Variants in ADGRL3 observed in about 807,000 individuals in gnomAD.
ADGRL3 encodes the protein calcium-independent alpha-latrotoxin receptor 3.
Under a neutral mutation model 153.5 loss-of-function variants are expected in ADGRL3, and 62 were observed. The observed-to-expected ratio is 0.40, with a 90% CI of 0.33 to 0.50. ADGRL3 has a LOEUF of 0.50. Ranked by LOEUF, ADGRL3 falls within the 20% of genes least tolerant of loss-of-function variation. The pLI, the probability that ADGRL3 is intolerant of heterozygous loss-of-function variation, is 0.47. For missense variants in ADGRL3, 1,641 were observed against 1,859.4 expected, an observed-to-expected ratio of 0.88 and a Z score of 2.16; for synonymous variants, 710 against 672.5, an observed-to-expected ratio of 1.06 and a Z score of -0.86.
At chr4:61,533,971 T>A (rs1321056793) in intron 4 of ADGRL3, among the ~76,000 whole-genome samples, 1 of 152,114 alleles carries the variant, frequency 6.6e-6, no homozygotes, top group East Asian at 1.9e-4. Context: ...GGTGACACAA[T>A]TTTGATTTTG....
chr4:61,713,929 G>GATTCA lies in ADGRL3; in HGVS notation c.584-16692_584-16688dup. On this transcript the variant is annotated intron_variant, in intron 6 of 26. Transcript: ENST00000683033. ...GTATCTAAGCTGTTTGTGAACTCAG[G>GATTCA]ATTCATGGTCTAGGTGATTTATCTT... Among the ~76,000 whole-genome samples, 5 of 152,184 alleles carry GATTCA rather than the reference G, an allele frequency of 3.3e-5. 2 individuals are homozygous for GATTCA. Among genetic ancestry groups the GATTCA allele is most frequent in the Admixed American group, 3.3e-4 (5 of 15,274 alleles).
intron 5 of ADGRL3, among the ~76,000 whole-genome samples, chr4:61,651,750 G>A (rs2094260883): frequency 6.6e-6 from 1 of 151,072 alleles, no homozygotes; most frequent in Admixed American, 6.6e-5. Flanking sequence ...TGGGACTACA[G>A]GCTCATGCCA....
At chr4:61,413,723 C>G (rs1458449707) in intron 2 of ADGRL3, among the ~76,000 whole-genome samples, 1 of 151,998 alleles carries the variant, frequency 6.6e-6, no homozygotes, top group Admixed American at 6.5e-5. Context: ...GATTTTTCTG[C>G]TCCAAATCTG....
At chr4:61,229,840 G>A (rs1400345070) in intron 1 of ADGRL3, among the ~76,000 whole-genome samples, 1 of 151,946 alleles carries the variant, frequency 6.6e-6, no homozygotes, top group African/African-American at 2.4e-5. Flanking sequence ...CCTGGAACTT[G>A]AAGCTGCAGT....
At chr4:61,688,865 T>C (rs1022677625) in intron 6 of ADGRL3, among the ~76,000 whole-genome samples, 2 of 152,206 alleles carry the variant, frequency 1.3e-5, no homozygotes, top group Non-Finnish European at 2.9e-5. Flanking sequence ...TGTCATACGA[T>C]TTAGCTCTTA....
At chr4:61,724,322 C>G (rs1340524910) in intron 6 of ADGRL3, among the ~76,000 whole-genome samples, 1 of 152,124 alleles carries the variant, frequency 6.6e-6, no homozygotes, top group Non-Finnish European at 1.5e-5. Flanking sequence ...ACTAAGAGAG[C>G]TGCATTTTCT....
chr4:61,593,055 T>A (rs2149422546), intron 5 of ADGRL3, among the ~76,000 whole-genome samples: 1 of 152,320 alleles, frequency 6.6e-6, no homozygotes. Context: ...CACTATCTTA[T>A]AACCCACTAT....
intron 9 of ADGRL3, among the ~76,000 whole-genome samples, chr4:61,827,861 A>C (rs867919308): frequency 1.3e-5 from 2 of 151,866 alleles, no homozygotes; most frequent in African/African-American, 4.8e-5. Context: ...ATGTAGCGTG[A>C]AACATGACTG....
intron 21 of ADGRL3, among the ~76,000 whole-genome samples, chr4:62,008,871 A>C (rs2099170809): frequency 6.6e-6 from 1 of 152,106 alleles, no homozygotes; most frequent in Non-Finnish European, 1.5e-5. Flanking sequence ...CGATCTCATA[A>C]GATTGTAATA....
intron 8 of ADGRL3, among the ~76,000 whole-genome samples, chr4:61,747,044 G>A (rs1422800480): frequency 6.6e-6 from 1 of 152,190 alleles, no homozygotes; most frequent in Non-Finnish European, 1.5e-5. Flanking sequence ...CGATCTCACA[G>A]AAATACAAAC....
rs781140447 is a variant in ADGRL3 at position 61,497,375 on chromosome 4, T to C, written c.55+27T>C. ...TAAGATTTTTCAGATTTTTGTGTAA[T>C]GCTTAATGTTGTCTCACTTATTCAT... On this transcript the variant is annotated intron_variant, in intron 3 of 26. Transcript: ENST00000683033. 8 of 1,485,866 alleles carry C rather than the reference T, an allele frequency of 5.4e-6. No individual in the cohort carries two copies. The Admixed American group carries it at 1.3e-4, about 24-fold the overall frequency. The allele number at this position is 1,485,866 out of a possible 1,614,324, so 92.0% of individuals were successfully genotyped here.
chr4:61,784,298 A>T (rs377027717), intron 8 of ADGRL3, among the ~76,000 whole-genome samples: 8 of 152,278 alleles, frequency 5.3e-5, no homozygotes, highest in African/African-American at 1.9e-4. Flanking sequence ...ACACAGCTAA[A>T]TGTTAAGTCC....
Position 62,075,699 on chromosome 4 carries a change from A to C in ADGRL3, c.*4791A>C, listed in dbSNP as rs1746922760. The C allele has an allele frequency of 6.6e-6, 1 of 152,194 alleles. No homozygotes were observed. The allele number at this position is 152,194 out of a possible 1,614,324, so 9.4% of individuals were successfully genotyped here. ...CATCATTAAATTACGAAGATGGCACAAAAGCAAAGCAGCAACATTGCACAA... is the reference window on the plus strand; with the variant it reads ...CATCATTAAATTACGAAGATGGCACCAAAGCAAAGCAGCAACATTGCACAA... On this transcript the variant is annotated 3_prime_UTR_variant, in exon 27 of 27. Transcript: ENST00000683033.
At chr4:61,798,051 G>C (rs2097436340) in intron 8 of ADGRL3, among the ~76,000 whole-genome samples, 1 of 152,224 alleles carries the variant, frequency 6.6e-6, no homozygotes, top group East Asian at 1.9e-4. Flanking sequence ...TTTAGAAAAG[G>C]TATCTTGATC....
chr4:61,731,786 A>G (rs1018862431), intron 7 of ADGRL3, among the ~76,000 whole-genome samples: 2 of 152,106 alleles, frequency 1.3e-5, no homozygotes, highest in African/African-American at 4.8e-5. Flanking sequence ...CATGTGATTC[A>G]AGGACCACCC....
At chr4:61,485,330 A>G (rs2098178147) in intron 2 of ADGRL3, among the ~76,000 whole-genome samples, 1 of 152,206 alleles carries the variant, frequency 6.6e-6, no homozygotes, top group Non-Finnish European at 1.5e-5. Flanking sequence ...AGAACAATTT[A>G]AGACTTATTA....
intron 2 of ADGRL3, among the ~76,000 whole-genome samples, chr4:61,391,335 A>T (rs934800944): frequency 6.6e-6 from 1 of 152,038 alleles, no homozygotes; most frequent in Non-Finnish European, 1.5e-5. Flanking sequence ...AAAAAAACAG[A>T]TCTCACGTGA....
chr4:61,372,399 T>C (rs2096544678), intron 1 of ADGRL3, among the ~76,000 whole-genome samples: 1 of 151,818 alleles, frequency 6.6e-6, no homozygotes, highest in African/African-American at 2.4e-5. Context: ...GATGTACAGA[T>C]GGGTTTTTGG....
intron 8 of ADGRL3, among the ~76,000 whole-genome samples, chr4:61,768,334 G>C (rs987875762): frequency 6.6e-6 from 1 of 151,970 alleles, no homozygotes; most frequent in African/African-American, 2.4e-5. Context: ...AGCTTGGCCT[G>C]TCGAGGAGGG....
Sources: gnomAD v4.1 joint callset for allele counts (sites outside exome capture counted in the v4.1 genomes callset) on GRCh38, gnomAD v4.1.1 for gene constraint, MANE v1.5 for transcripts, NCBI Gene and HGNC (gene_info 2026-07-23, HGNC 2026-07-21) for gene names.